Variants in NFU1 observed in about 807,000 individuals in gnomAD.
The protein encoded by NFU1 is NFU1 iron-sulfur cluster scaffold.
Under a neutral mutation model 32.2 loss-of-function variants are expected in NFU1, and 30 were observed. The ratio of observed to expected loss-of-function variants is 0.93; its 90% CI spans 0.70 to 1.26. The LOEUF (loss-of-function observed/expected upper bound fraction) is 1.26. Among genes scored for constraint, NFU1 ranks in the 50% most tolerant of loss-of-function variants. NFU1 has a pLI of 0.00. For synonymous variants in NFU1, 112 were observed against 104.6 expected (o/e 1.07, Z -0.43); for missense variants, 306 against 306.6 (o/e 1.00, Z 0.02).
chr2:69,412,887 A>T (rs115622105), intron 5 of NFU1, among the ~76,000 whole-genome samples: 347 of 151,170 alleles, frequency 2.3e-3, no homozygotes, highest in African/African-American at 8.2e-3. Context: ...CACATGACTC[A>T]ATTTGTTTTT....
chr2:69,414,258 GT>G (rs1172585309), intron 5 of NFU1, among the ~76,000 whole-genome samples: 1 of 152,012 alleles, frequency 6.6e-6, no homozygotes, highest in African/African-American at 2.4e-5. Context: ...CTAGAACTAT[GT>G]TTTTTGAAAT....
At chr2:69,415,592 G>A (rs899339210) in intron 4 of NFU1, among the ~76,000 whole-genome samples, 4 of 152,026 alleles carry the variant, frequency 2.6e-5, no homozygotes, top group African/African-American at 4.8e-5. Context: ...TCTCCAGCAC[G>A]TAAAATGAGT....
At chr2:69,397,153 C>A (rs1372350169) in intron 7 of NFU1, among the ~76,000 whole-genome samples, 1 of 151,400 alleles carries the variant, frequency 6.6e-6, no homozygotes. Flanking sequence ...TCAAAACCAT[C>A]TTATTTACTT....
Position 69,437,153 on chromosome 2 carries a change from G to C in NFU1, c.62+208C>G. 5 of 1,135,350 alleles carry C rather than the reference G, an allele frequency of 4.4e-6. No homozygotes were observed. The Middle Eastern group carries it at 7.0e-4, about 160-fold the overall frequency. The allele number at this position is 1,135,350 out of a possible 1,614,324, so 70.3% of individuals were successfully genotyped here. The stretch of plus-strand genomic sequence containing the variant: ...TCTCTGAGCCTGAGAGGAAGCTCCA[G>C]AGAGTCCGCCCGGATTAGGCCACAG... On this transcript the variant is annotated intron_variant, in intron 1 of 7. Transcript: ENST00000410022.
intron 1 of NFU1, 33 bp downstream of exon 1, chr2:69,437,328 A>G (rs745312105): frequency 6.3e-7 from 1 of 1,595,312 alleles, no homozygotes; most frequent in Non-Finnish European, 8.5e-7. Context: ...GCCCAGCGGC[A>G]CACCTATTCG....
chr2:69,424,188 AAAAAAAAAAAAT>A (rs1341136987), intron 2 of NFU1, among the ~76,000 whole-genome samples: 8 of 136,782 alleles, frequency 5.8e-5, no homozygotes, highest in East Asian at 2.2e-4. Context: ...AAAAAAAAAA[AAAAAAAAAAAAT>A]ATATATATAT....
At chr2:69,429,514 C>CA (rs1165037029) in intron 2 of NFU1, among the ~76,000 whole-genome samples, 161 of 133,074 alleles carry the variant, frequency 1.2e-3, no homozygotes, top group Middle Eastern at 3.9e-3. Context: ...TGAGCCAAGA[C>CA]AAAAAAAAAA....
At chr2:69,434,063 G>A (rs139234731) in intron 1 of NFU1, among the ~76,000 whole-genome samples, 1,590 of 151,990 alleles carry the variant, frequency 0.01, 29 homozygotes, top group African/African-American at 0.036. Context: ...GATTATAGGC[G>A]TGAGCCACCA....
intron 4 of NFU1, among the ~76,000 whole-genome samples, chr2:69,419,112 T>C (rs1240814985): frequency 2.6e-5 from 4 of 151,828 alleles, no homozygotes; most frequent in Non-Finnish European, 2.9e-5. Context: ...TCGGGAGTTC[T>C]AGACCAGCCT....
At chr2:69,425,512 G>A (rs945922814) in intron 2 of NFU1, among the ~76,000 whole-genome samples, 8 of 151,636 alleles carry the variant, frequency 5.3e-5, no homozygotes, top group African/African-American at 1.7e-4. Context: ...GCACCACCAT[G>A]CCCGGCTAAT....
At chr2:69,435,192 T>C (rs1236259197) in intron 1 of NFU1, among the ~76,000 whole-genome samples, 1 of 152,236 alleles carries the variant, frequency 6.6e-6, no homozygotes, top group East Asian at 1.9e-4. Flanking sequence ...GAAAGGGCTA[T>C]TATCATTTAA....
chr2:69,408,288 C>T (rs1404830367), intron 5 of NFU1, among the ~76,000 whole-genome samples: 4 of 152,180 alleles, frequency 2.6e-5, no homozygotes, highest in Admixed American at 6.5e-5. Flanking sequence ...TTAGCATATA[C>T]AAATATGCCT....
At chr2:69,430,343 G>T (rs1227107081) in intron 2 of NFU1, among the ~76,000 whole-genome samples, 2 of 151,896 alleles carry the variant, frequency 1.3e-5, no homozygotes, top group African/African-American at 4.8e-5. Flanking sequence ...CTCCTGAGTA[G>T]CTGGGACTAC....
chr2:69,422,634 A>G (rs769670282), intron 3 of NFU1, among the ~76,000 whole-genome samples: 2 of 152,132 alleles, frequency 1.3e-5, no homozygotes, highest in African/African-American at 4.8e-5. Context: ...AAGTAAAAAT[A>G]TAAGTTTTTA....
At chr2:69,437,443 G>C, upstream of NFU1, 1 of 1,608,924 alleles carries the variant, frequency 6.2e-7, no homozygotes, top group Non-Finnish European at 8.5e-7. Flanking sequence ...AGTGCCTAAG[G>C]GTCTCCCTGA....
At chr2:69,427,756 C>T (rs1336162171) in intron 2 of NFU1, among the ~76,000 whole-genome samples, 1 of 149,462 alleles carries the variant, frequency 6.7e-6, no homozygotes, top group Non-Finnish European at 1.5e-5. Flanking sequence ...CCGAGGTGGG[C>T]AGATCACCTG....
At chr2:69,396,435 A>G in intron 7 of NFU1, 145 bp from the exon 8 acceptor site, 5 of 596,478 alleles carry the variant, frequency 8.4e-6, no homozygotes, top group South Asian at 4.4e-5. Context: ...CAACAGCCCC[A>G]AAGAACAAGG....
chr2:69,401,227 C>T lies in NFU1; in HGVS notation c.546-689G>A, dbSNP rs539284814. Reference sequence around the variant, plus strand: ...AAACCAAGAAACAACACCAAACCTCCAGAAGTCCCCTTTGGGCTTCCTTCC... The same window carrying T: ...AAACCAAGAAACAACACCAAACCTCTAGAAGTCCCCTTTGGGCTTCCTTCC... On this transcript the variant is annotated intron_variant, in intron 6 of 7. Coordinates refer to ENST00000410022, the MANE Select transcript of NFU1 (RefSeq NM_001002755.4). Among the ~76,000 whole-genome samples the T allele has an allele frequency of 2.6e-5, 4 of 152,324 alleles. No individual in the cohort carries two copies. In the East Asian group the frequency reaches 7.7e-4, roughly 29 times the overall value.
chr2:69,408,386 G>A (rs968171777), intron 5 of NFU1, among the ~76,000 whole-genome samples: 1 of 152,046 alleles, frequency 6.6e-6, no homozygotes, highest in Admixed American at 6.6e-5. Flanking sequence ...ACAGTTTGCT[G>A]CTATTTCTAA....
Sources: allele counts gnomAD v4.1 joint callset (sites outside exome capture counted in the v4.1 genomes callset), GRCh38; gene constraint gnomAD v4.1.1; transcripts MANE v1.5; gene names NCBI Gene and HGNC (gene_info 2026-07-23, HGNC 2026-07-21).